Variants in DZIP1L observed in about 807,000 individuals in gnomAD.
DZIP1L encodes the protein DAZ interacting zinc finger protein 1 like.
DZIP1L carries 90 observed loss-of-function variants against 88.7 expected under a neutral mutation model. The observed-to-expected ratio is 1.02, with a 90% CI of 0.86 to 1.21. The LOEUF is 1.21. Among genes scored for constraint, DZIP1L ranks in the 50% most tolerant of loss-of-function variants. The probability of loss-of-function intolerance (pLI) is 0.00; values close to 1 mark genes in which losing one functional copy is unlikely to be tolerated. For synonymous variants in DZIP1L, 363 were observed against 372.1 expected (o/e 0.98, Z 0.28); for missense variants, 932 against 955.8 (o/e 0.98, Z 0.33).
intron 2 of DZIP1L, chr3:138,101,670 A>G: frequency 1.3e-6 from 1 of 798,110 alleles, no homozygotes; most frequent in South Asian, 1.3e-5. Context: ...AGCTCAGACC[A>G]CCTGCATAGC....
chr3:138,066,350 G>A lies in DZIP1L; in HGVS notation c.2002+1181C>T, dbSNP rs182799374. Among the ~76,000 whole-genome samples the A allele has an allele frequency of 2.2e-4, 34 of 152,286 alleles. 1 individual carries two copies. The East Asian group carries it at 5.4e-3, about 24-fold the overall frequency. On this transcript the variant is annotated intron_variant, in intron 14 of 15. Transcript: ENST00000327532. ...TATGACCACCAACTCTTGATCTGGTGCTAATGAACTCAAACAGCATTAAAG... is the reference window on the plus strand; with the variant it reads ...TATGACCACCAACTCTTGATCTGGTACTAATGAACTCAAACAGCATTAAAG...
At chr3:138,086,564 T>A (rs1943949124) in intron 7 of DZIP1L, among the ~76,000 whole-genome samples, 1 of 152,256 alleles carries the variant, frequency 6.6e-6, no homozygotes, top group Non-Finnish European at 1.5e-5. Context: ...GAACTATCAC[T>A]GAGGCCCACA....
At chr3:138,102,329 G>A (rs1196200639) in intron 2 of DZIP1L, 8 of 1,293,444 alleles carry the variant, frequency 6.2e-6, no homozygotes, top group African/African-American at 2.9e-5. Context: ...CATCTTTCTC[G>A]ATGAAGGCAA....
intron 7 of DZIP1L, 82 bp from the exon 8 acceptor site, chr3:138,084,335 G>C: frequency 6.6e-7 from 1 of 1,523,032 alleles, no homozygotes; most frequent in Non-Finnish European, 8.8e-7. Context: ...AGCACCTGTA[G>C]GCAAGTGCCA....
At position 138,071,676 on chromosome 3, in the gene DZIP1L, C is replaced by T. The variant is rs750660072; in HGVS notation, c.1582G>A (p.Ala528Thr). The T allele has an allele frequency of 3.7e-6, 6 of 1,613,966 alleles. 1 individual carries two copies. The South Asian group carries it at 5.5e-5, about 15-fold the overall frequency. Residue 528 changes from alanine to threonine, a missense_variant, in exon 12 of 16, where the codon GCT becomes ACT. Physicochemically the swap from Ala to Thr is moderately conservative, Grantham distance 58. Coordinates refer to ENST00000327532, the MANE Select transcript of DZIP1L (RefSeq NM_173543.3). Reference protein sequence around the residue: ...SRAKERQENGAVVSQPDGQPS... With the variant: ...SRAKERQENGTVVSQPDGQPS... Reference sequence around the variant, plus strand: ...TGCCCGTCTGGCTGGGACACCACAGCGCCATTCTCCTGTCTCTCCTTCGCT... The same window carrying T: ...TGCCCGTCTGGCTGGGACACCACAGTGCCATTCTCCTGTCTCTCCTTCGCT...
intron 11 of DZIP1L, 82 bp downstream of exon 11, chr3:138,077,417 C>T (rs1943462631): frequency 1.3e-6 from 2 of 1,570,984 alleles, no homozygotes; most frequent in Admixed American, 3.5e-5. Flanking sequence ...ATGCAAAGAA[C>T]AATCGATCAT....
In DZIP1L at chr3:138,062,982, AG is replaced by A. The variant is rs1400455960; in HGVS notation, c.2143-6del. 2 of 1,613,312 alleles carry A rather than the reference AG, an allele frequency of 1.2e-6. No homozygotes were observed. Among genetic ancestry groups the A allele is most frequent in the Non-Finnish European group, 8.5e-7 (1 of 1,179,728 alleles). ...GTCACTCTCATCTTCAGAAAGCTGC[AG>A]GGGGTAAAGGGGAGAAGAAAATGCA... is the stretch of plus-strand genomic sequence containing the variant. On this transcript the variant is annotated splice_polypyrimidine_tract_variant and splice_region_variant and intron_variant, in intron 15 of 15. Coordinates refer to ENST00000327532, the MANE Select transcript of DZIP1L (RefSeq NM_173543.3).
chr3:138,083,715 G>A (rs998407122), intron 8 of DZIP1L, among the ~76,000 whole-genome samples: 1 of 152,214 alleles, frequency 6.6e-6, no homozygotes, highest in Admixed American at 6.5e-5. Context: ...CGAGTGCCCC[G>A]TGAGGACTTG....
chr3:138,067,577 G>A lies in DZIP1L; in HGVS notation c.1956C>T (p.Asp652=). 2 of 1,611,870 alleles carry A rather than the reference G, an allele frequency of 1.2e-6. No homozygotes were observed. Among genetic ancestry groups the A allele is most frequent in the Non-Finnish European group, 1.7e-6 (2 of 1,178,986 alleles). The change falls in exon 14 of 16, where the codon GAC becomes GAT. Residue 652 remains aspartate, a synonymous_variant. Transcript: ENST00000327532. ...GGGCATTCTCCTCCGAGGTCTCTGT[G>A]TCAGACCAGTCCCAGTCATCCTTGG... ...PRPKDDWDWS[D]TETSEENAQP... is the part of the protein sequence containing the mutation.
chr3:138,080,224 C>A, intron 10 of DZIP1L: 1 of 183,834 alleles, frequency 5.4e-6, no homozygotes. Flanking sequence ...TTATCTTCCA[C>A]TGTTCTGCAT....
chr3:138,102,680 C>T lies in DZIP1L; in HGVS notation c.501+791G>A. The T allele has an allele frequency of 4.6e-6, 5 of 1,086,874 alleles. No individual in the cohort carries two copies. The South Asian group carries it at 6.2e-5, about 13-fold the overall frequency. The allele number at this position is 1,086,874 out of a possible 1,614,324, so 67.3% of individuals were successfully genotyped here. On this transcript the variant is annotated intron_variant, in intron 2 of 15. Transcript: ENST00000327532. ...CACATGGCCTGAATGTTGGGGTCCACCTCCAGGTTAAGGGGGCTCAGCAGG... is the reference window on the plus strand; with the variant it reads ...CACATGGCCTGAATGTTGGGGTCCATCTCCAGGTTAAGGGGGCTCAGCAGG...
chr3:138,111,778 T>G (rs1023219848), intron 1 of DZIP1L, among the ~76,000 whole-genome samples: 1 of 152,130 alleles, frequency 6.6e-6, no homozygotes, highest in Admixed American at 6.5e-5. Context: ...GCGGATCACC[T>G]GAGGTCAGGA....
chr3:138,068,720 C>G (rs1049480432), intron 12 of DZIP1L, among the ~76,000 whole-genome samples: 5 of 152,148 alleles, frequency 3.3e-5, no homozygotes, highest in Non-Finnish European at 7.3e-5. Context: ...ACGCTACAGC[C>G]GCTGCACTGC....
Position 138,063,226 on chromosome 3 carries a change from T to C in DZIP1L, c.2143-249A>G, listed in dbSNP as rs535085947. Among the ~76,000 whole-genome samples the C allele has an allele frequency of 5.9e-5, 9 of 152,226 alleles. No homozygotes were observed. Among genetic ancestry groups the C allele is most frequent in the Admixed American group, 2.6e-4 (4 of 15,292 alleles). ...ATTCTACTAACCAAACCCAGGCAAG[T>C]GCCTTGGAAAGGCCTATGTGCAGAG... On this transcript the variant is annotated intron_variant, in intron 15 of 15. Coordinates refer to ENST00000327532, the MANE Select transcript of DZIP1L (RefSeq NM_173543.3). This position sits in a 1 kb window ranked among gnomAD's most constrained non-coding sequence, Gnocchi z 4.1.
intron 7 of DZIP1L, among the ~76,000 whole-genome samples, chr3:138,085,458 A>C (rs1162139253): frequency 6.6e-6 from 1 of 152,254 alleles, no homozygotes; most frequent in African/African-American, 2.4e-5. Context: ...ATATGAACAG[A>C]CACTTCTCAA....
intron 15 of DZIP1L, 90 bp downstream of exon 15, chr3:138,064,538 G>C: frequency 6.2e-7 from 1 of 1,613,214 alleles, no homozygotes; most frequent in East Asian, 2.2e-5. Flanking sequence ...CACTTGCTGG[G>C]CCCTCCCCAA....
chr3:138,102,535 T>A lies in DZIP1L; in HGVS notation c.501+936A>T, dbSNP rs951946956. On this transcript the variant is annotated intron_variant, in intron 2 of 15. Coordinates refer to ENST00000327532, the MANE Select transcript of DZIP1L (RefSeq NM_173543.3). ...ATGTTAACTCTGAGCCGTCTTCTGC[T>A]GCTGCAGGAGGCTCCAGTTGGTCTC... 1.9e-5 allele frequency: 26 copies of A among 1,389,086 alleles called. No individual in the cohort carries two copies. In the Admixed American group the frequency reaches 4.0e-4, roughly 22 times the overall value. The allele number at this position is 1,389,086 out of a possible 1,614,324, so 86.0% of individuals were successfully genotyped here.
chr3:138,069,217 C>A (rs1163245777), intron 12 of DZIP1L: 17 of 603,210 alleles, frequency 2.8e-5, no homozygotes, highest in Non-Finnish European at 5.1e-5. Flanking sequence ...ATCCACTTCC[C>A]CTTAATGAAT....
At chr3:138,101,505 G>A (rs1353781273) in intron 2 of DZIP1L, 10 of 784,236 alleles carry the variant, frequency 1.3e-5, no homozygotes, top group Non-Finnish European at 2.0e-5. Flanking sequence ...CAGAGGACTC[G>A]GACACCAGCT....
Sources: gnomAD v4.1 joint callset for allele counts (sites outside exome capture counted in the v4.1 genomes callset) on GRCh38, gnomAD v4.1.1 for gene constraint, Gnocchi (gnomAD v3.1) non-coding constraint, MANE v1.5 for transcripts, NCBI Gene and HGNC (gene_info 2026-07-23, HGNC 2026-07-21) for gene names.